Variants in ANKS1B observed in about 807,000 individuals in gnomAD.
ANKS1B encodes ankyrin repeat and sterile alpha motif domain containing 1B, also known as ankyrin repeat and sterile alpha motif domain-containing protein 1B.
A neutral mutation model predicts 148.3 loss-of-function variants in ANKS1B; 36 were observed. The observed-to-expected ratio is 0.24, with a 90% confidence interval of 0.19 to 0.32. ANKS1B has a LOEUF of 0.32. Among genes scored for constraint, ANKS1B ranks in the 10% least tolerant of loss-of-function variants. ANKS1B has a pLI of 1.00. For missense variants in ANKS1B, 1,157 were observed against 1,542.6 expected (o/e 0.75, Z 4.19); for synonymous variants, 542 against 560.8 (o/e 0.97, Z 0.47).
chr12:98,886,733 G>T (rs545996716), intron 17 of ANKS1B, among the ~76,000 whole-genome samples: 8 of 152,152 alleles, frequency 5.3e-5, no homozygotes, highest in Non-Finnish European at 1.2e-4. Context: ...ACCTACAAAG[G>T]GTGGCCTCAG....
At chr12:99,358,375 TG>T (rs1387064592) in intron 12 of ANKS1B, among the ~76,000 whole-genome samples, 1 of 152,152 alleles carries the variant, frequency 6.6e-6, no homozygotes, top group Non-Finnish European at 1.5e-5. Context: ...CAATATCATT[TG>T]TATAATTCAT....
intron 17 of ANKS1B, among the ~76,000 whole-genome samples, chr12:98,904,486 T>C (rs1468283996): frequency 1.3e-5 from 2 of 152,262 alleles, no homozygotes; most frequent in African/African-American, 2.4e-5. Flanking sequence ...ATGAACAGAA[T>C]TGGATGTGCA....
chr12:98,741,288 C>T (rs903736229), downstream of ANKS1B, among the ~76,000 whole-genome samples: 4 of 152,268 alleles, frequency 2.6e-5, no homozygotes, highest in East Asian at 1.9e-4. Context: ...GATGAGTAAC[C>T]GGGCATCTAG....
chr12:99,924,335 T>C (rs953887502), intron 1 of ANKS1B, among the ~76,000 whole-genome samples: 16 of 152,090 alleles, frequency 1.1e-4, no homozygotes, highest in Non-Finnish European at 2.4e-4. Context: ...ATAATGGAAA[T>C]ATTAAAGGAT....
intron 9 of ANKS1B, among the ~76,000 whole-genome samples, chr12:99,541,352 C>T (rs1052390369): frequency 6.6e-6 from 1 of 152,090 alleles, no homozygotes; most frequent in African/African-American, 2.4e-5. Context: ...ATCAACATCC[C>T]TTATAAATGT....
intron 9 of ANKS1B, among the ~76,000 whole-genome samples, chr12:99,552,717 G>T (rs2097233712): frequency 6.6e-6 from 1 of 152,130 alleles, no homozygotes; most frequent in Non-Finnish European, 1.5e-5. Context: ...AGACACCACT[G>T]CCCCAGTCCC....
At chr12:99,861,310 G>A (rs1420123361) in intron 1 of ANKS1B, among the ~76,000 whole-genome samples, 2 of 152,120 alleles carry the variant, frequency 1.3e-5, no homozygotes, top group Non-Finnish European at 2.9e-5. Flanking sequence ...ATAATCACAT[G>A]AAATAAGAGA....
At chr12:99,612,246 A>G (rs1361454073) in intron 9 of ANKS1B, among the ~76,000 whole-genome samples, 2 of 152,128 alleles carry the variant, frequency 1.3e-5, no homozygotes, top group African/African-American at 4.8e-5. Flanking sequence ...TAAAAGATTT[A>G]TTGTAAGTTT....
intron 9 of ANKS1B, among the ~76,000 whole-genome samples, chr12:99,629,918 A>G (rs1045353413): frequency 1.3e-5 from 2 of 152,182 alleles, no homozygotes; most frequent in African/African-American, 4.8e-5. Flanking sequence ...CAAAAGGTAC[A>G]TACCTTGTAA....
At chr12:98,768,251 C>G (rs1158038704) in intron 25 of ANKS1B, among the ~76,000 whole-genome samples, 2 of 151,894 alleles carry the variant, frequency 1.3e-5, no homozygotes, top group Non-Finnish European at 2.9e-5. Context: ...TCTTGACAAC[C>G]CTAATTCTGT....
rs570779377 is a variant in ANKS1B at position 99,009,197 on chromosome 12, G to A, written c.2778+43960C>T. 2.0e-5 allele frequency among the ~76,000 whole-genome samples: 3 copies of A among 152,334 alleles called. No homozygotes were observed. In the East Asian group the frequency reaches 5.8e-4, roughly 29 times the overall value. On this transcript the variant is annotated intron_variant, in intron 17 of 26. Coordinates refer to ENST00000683438, the MANE Select transcript of ANKS1B (RefSeq NM_001352186.2). ...ACTCGTTCAGCAGCCTCAGACTACA[G>A]CTGCATCTTTACTTATCTAGGCCTC...
chr12:99,658,114 T>C (rs2098459124), intron 8 of ANKS1B, among the ~76,000 whole-genome samples: 1 of 152,108 alleles, frequency 6.6e-6, no homozygotes, highest in Non-Finnish European at 1.5e-5. Flanking sequence ...GCTCTATGCT[T>C]TTATTCTTTC....
At chr12:98,968,696 T>A (rs567123476) in intron 17 of ANKS1B, among the ~76,000 whole-genome samples, 1 of 152,168 alleles carries the variant, frequency 6.6e-6, no homozygotes, top group Non-Finnish European at 1.5e-5. Context: ...TCCAAGTGGG[T>A]TTTAGGATTT....
At chr12:98,985,014 A>G (rs1475190530) in intron 17 of ANKS1B, among the ~76,000 whole-genome samples, 1 of 152,228 alleles carries the variant, frequency 6.6e-6, no homozygotes, top group East Asian at 1.9e-4. Context: ...GTCTCAATCA[A>G]TCAATGAATA....
chr12:99,807,815 T>A (rs1159472823), intron 3 of ANKS1B, among the ~76,000 whole-genome samples: 1 of 152,042 alleles, frequency 6.6e-6, no homozygotes, highest in Non-Finnish European at 1.5e-5. Context: ...CCAAAGTGGG[T>A]GTTCTTAACC....
chr12:98,999,558 T>C (rs2099931731), intron 17 of ANKS1B, among the ~76,000 whole-genome samples: 1 of 152,232 alleles, frequency 6.6e-6, no homozygotes, highest in South Asian at 2.1e-4. Flanking sequence ...TACCAAACTT[T>C]AGTAAACCCT....
chr12:98,899,526 A>C (rs922051100), intron 17 of ANKS1B, among the ~76,000 whole-genome samples: 2 of 152,212 alleles, frequency 1.3e-5, no homozygotes, highest in Non-Finnish European at 2.9e-5. Flanking sequence ...ATGTCATTCA[A>C]CTAGTTGAAA....
chr12:99,321,426 C>T (rs192150709), intron 12 of ANKS1B, among the ~76,000 whole-genome samples: 2,514 of 152,316 alleles, frequency 0.017, 72 homozygotes, highest in African/African-American at 0.057. Context: ...CCCCCAGCCT[C>T]GCTGCCGCCT....
At chr12:99,721,811 A>G (rs2153555843) in intron 8 of ANKS1B, among the ~76,000 whole-genome samples, 1 of 152,376 alleles carries the variant, frequency 6.6e-6, no homozygotes, top group Non-Finnish European at 1.5e-5. Context: ...CAGTTAGTAA[A>G]TGCATTATGT....
Sources: gnomAD v4.1 joint callset for allele counts (sites outside exome capture counted in the v4.1 genomes callset) on GRCh38, gnomAD v4.1.1 for gene constraint, MANE v1.5 for transcripts, NCBI Gene and HGNC (gene_info 2026-07-23, HGNC 2026-07-21) for gene names.